Variants in DCLK1 observed in about 807,000 individuals in gnomAD.
DCLK1 encodes the protein doublecortin like kinase 1, also known as serine/threonine-protein kinase DCLK1.
In DCLK1, 16 loss-of-function variants were observed where a neutral mutation model predicts 86.2. That is an observed-to-expected ratio of 0.19 (90% CI 0.13 to 0.28). DCLK1 has a LOEUF of 0.28. DCLK1 is among the 10% of genes least tolerant of loss of function. The probability of loss-of-function intolerance (pLI) is 1.00; values close to 1 mark genes in which losing one functional copy is unlikely to be tolerated. For synonymous variants in DCLK1, 369 were observed against 370.5 expected, an observed-to-expected ratio of 1.00 and a Z score of 0.05; for missense variants, 590 against 940.2, an observed-to-expected ratio of 0.63 and a Z score of 4.87.
At chr13:35,962,127 A>G (rs557832548) in intron 3 of DCLK1, among the ~76,000 whole-genome samples, 1 of 152,304 alleles carries the variant, frequency 6.6e-6, no homozygotes, top group Non-Finnish European at 1.5e-5. Context: ...TATTTTTTGC[A>G]ATATCTCAGT....
At chr13:36,005,947 A>G (rs1593809772) in intron 3 of DCLK1, among the ~76,000 whole-genome samples, 1 of 152,148 alleles carries the variant, frequency 6.6e-6, no homozygotes, top group African/African-American at 2.4e-5. Flanking sequence ...TTCTCACTCA[A>G]AAGTGAGAGT....
rs1007229342 is a variant in DCLK1 at position 35,946,423 on chromosome 13, C to A, written c.823+935G>T. 2.0e-5 allele frequency among the ~76,000 whole-genome samples: 3 copies of A among 152,300 alleles called. No individual in the cohort carries two copies. In the South Asian group the frequency reaches 6.2e-4, roughly 32 times the overall value. ...ACACATCTGCAGTGTTGGAGTGAGA[C>A]CACTCCTGTGTAGAACAGGTGAAAG... On this transcript the variant is annotated intron_variant, in intron 4 of 16. Transcript: ENST00000360631.
At chr13:35,958,284 G>GTTATAACCATCACCACTACTA (rs1878244035) in intron 3 of DCLK1, among the ~76,000 whole-genome samples, 1 of 7,372 alleles carries the variant, frequency 1.4e-4, no homozygotes, top group Admixed American at 1.6e-3. Context: ...CACCATCACT[G>GTTATAACCATCACCACTACTA]CCACTATAAC....
At chr13:35,994,509 A>G (rs894989372) in intron 3 of DCLK1, among the ~76,000 whole-genome samples, 13 of 152,376 alleles carry the variant, frequency 8.5e-5, no homozygotes, top group African/African-American at 2.9e-4. Context: ...AGCTAATATA[A>G]GATAGCAATT....
At chr13:35,846,285 T>A (rs1870169497) in intron 6 of DCLK1, 2 of 985,114 alleles carry the variant, frequency 2.0e-6, no homozygotes, top group South Asian at 9.4e-5. Context: ...AAAGAGTTCT[T>A]AGAAAAAATA....
At position 35,768,722 on chromosome 13, in the gene DCLK1, G is replaced by A. The variant is rs1368651267; in HGVS notation, c.*5813C>T. On this transcript the variant is annotated 3_prime_UTR_variant, in exon 17 of 17. Transcript: ENST00000360631. Reference sequence around the variant, plus strand: ...GGCAGGAACGTAATATATGACAAGGGACATTTTTGAAATAGCTGTTTTTGA... The same window carrying A: ...GGCAGGAACGTAATATATGACAAGGAACATTTTTGAAATAGCTGTTTTTGA... 1 of 152,138 alleles carries A rather than the reference G, an allele frequency of 6.6e-6. No individual in the cohort carries two copies. Among genetic ancestry groups the A allele is most frequent in the Non-Finnish European group, 1.5e-5 (1 of 68,014 alleles). 9.4% of individuals were successfully genotyped at this position (152,138 alleles called of 1,614,324 possible).
At chr13:35,911,445 C>T (rs753845312) in intron 4 of DCLK1, among the ~76,000 whole-genome samples, 6 of 152,156 alleles carry the variant, frequency 3.9e-5, no homozygotes, top group Non-Finnish European at 7.3e-5. Context: ...GCCACAGTGG[C>T]AGATCTCCTG....
At chr13:35,795,081 G>C (rs1472815421) in intron 15 of DCLK1, among the ~76,000 whole-genome samples, 2 of 152,230 alleles carry the variant, frequency 1.3e-5, no homozygotes, top group East Asian at 3.9e-4. Context: ...GGATGGCTCA[G>C]CTAGATTCAC....
At chr13:35,852,009 G>C (rs889398683) in intron 6 of DCLK1, among the ~76,000 whole-genome samples, 1 of 152,122 alleles carries the variant, frequency 6.6e-6, no homozygotes, top group East Asian at 1.9e-4. Flanking sequence ...GTGTGTGTGT[G>C]TGTGTGTGTG....
chr13:35,876,619 T>A (rs1318579793), intron 4 of DCLK1, among the ~76,000 whole-genome samples: 1 of 152,202 alleles, frequency 6.6e-6, no homozygotes, highest in Admixed American at 6.5e-5. Flanking sequence ...AACCACAATT[T>A]TGAAACATTG....
At chr13:35,977,389 G>A (rs1879402855) in intron 3 of DCLK1, among the ~76,000 whole-genome samples, 3 of 152,156 alleles carry the variant, frequency 2.0e-5, no homozygotes, top group South Asian at 2.1e-4. Context: ...CCCCAAATAA[G>A]TGGCCTGAGG....
chr13:36,125,398 T>C (rs527801001), intron 2 of DCLK1, among the ~76,000 whole-genome samples: 2 of 152,322 alleles, frequency 1.3e-5, no homozygotes, highest in East Asian at 3.9e-4. Context: ...TCAATTCAAG[T>C]ACTTTCGGAT....
At chr13:35,864,340 C>T (rs373357368) in intron 5 of DCLK1, among the ~76,000 whole-genome samples, 8 of 75,502 alleles carry the variant, frequency 1.1e-4, no homozygotes, top group South Asian at 3.7e-4. Context: ...CCGAGGCGGG[C>T]GGATCACGAG....
intron 15 of DCLK1, among the ~76,000 whole-genome samples, chr13:35,803,147 G>A (rs1294147003): frequency 6.6e-6 from 1 of 152,162 alleles, no homozygotes; most frequent in Non-Finnish European, 1.5e-5. Context: ...TGCAAATTCT[G>A]GCTCAACTGC....
In DCLK1 at chr13:35,923,721, C is replaced by T. The variant is rs74046152; in HGVS notation, c.823+23637G>A. Among the ~76,000 whole-genome samples, 417 of 152,192 alleles carry T rather than the reference C, an allele frequency of 2.7e-3. 2 individuals carry two copies. The highest frequency in any genetic ancestry group is 9.5e-3 in the African/African-American group (395 of 41,516). On this transcript the variant is annotated intron_variant, in intron 4 of 16. Transcript: ENST00000360631. ...TATCTATTTCTATATGCTGCAGTTC[C>T]TGTATTACTAAGCATTAACGTGTTA...
chr13:36,045,278 A>C (rs922956136), intron 3 of DCLK1, among the ~76,000 whole-genome samples: 2 of 135,618 alleles, frequency 1.5e-5, no homozygotes, highest in Admixed American at 1.5e-4. Context: ...TATATATAGA[A>C]GATATATATA....
rs545082211 is a variant in DCLK1 at position 36,039,000 on chromosome 13, GA to G, written c.723+72868del. Among the ~76,000 whole-genome samples the G allele has an allele frequency of 5.2e-4, 79 of 152,286 alleles. No individual in the cohort carries two copies. The East Asian group carries it at 0.015, about 28-fold the overall frequency. ...CACAGCACCATGTCCTATGACTAAA[GA>G]AAGTATTTCACATGACTTAGTAGTC... On this transcript the variant is annotated intron_variant, in intron 3 of 16. Transcript: ENST00000360631.
At chr13:36,044,522 A>G (rs1187309490) in intron 3 of DCLK1, among the ~76,000 whole-genome samples, 1 of 152,214 alleles carries the variant, frequency 6.6e-6, no homozygotes, top group East Asian at 1.9e-4. Context: ...ATTTAAGAAT[A>G]TGGAAATTAA....
chr13:35,962,793 T>C (rs138180224), intron 3 of DCLK1, among the ~76,000 whole-genome samples: 2 of 152,304 alleles, frequency 1.3e-5, no homozygotes, highest in African/African-American at 2.4e-5. Context: ...AAACATATGG[T>C]CTTTATTCAT....
Sources: allele counts gnomAD v4.1 joint callset (sites outside exome capture counted in the v4.1 genomes callset), GRCh38; gene constraint gnomAD v4.1.1; transcripts MANE v1.5; gene names NCBI Gene and HGNC (gene_info 2026-07-23, HGNC 2026-07-21).